Variants in TNNI3K observed in about 807,000 individuals in gnomAD.
TNNI3K encodes TNNI3 interacting kinase.
In TNNI3K, 140 loss-of-function variants were observed where a neutral mutation model predicts 114.5. The observed-to-expected ratio is 1.22, with a 90% CI of 1.07 to 1.41. The LOEUF is 1.41. Ranked by LOEUF, TNNI3K falls within the 40% of genes most tolerant of loss-of-function variation. TNNI3K has a pLI of 0.00. For synonymous variants in TNNI3K, 347 were observed against 347.5 expected (o/e 1.00, Z 0.02); for missense variants, 1,125 against 1,007.6 (o/e 1.12, Z -1.58).
intron 24 of TNNI3K, among the ~76,000 whole-genome samples, chr1:74,543,062 CCCTTTTTTTTTTT>C (rs1404631239): frequency 1.5e-4 from 16 of 104,612 alleles, no homozygotes; most frequent in African/African-American, 5.3e-4. Context: ...TTTTCTTTTT[CCCTTTTTTTTTTT>C]TTTTTTTTTT....
chr1:74,534,872 T>C (rs1447238858), intron 23 of TNNI3K, among the ~76,000 whole-genome samples: 1 of 152,178 alleles, frequency 6.6e-6, no homozygotes, highest in African/African-American at 2.4e-5. Flanking sequence ...TAAATGGAAA[T>C]GTAGTTCCTC....
chr1:74,394,686 C>T (rs1312632607), intron 17 of TNNI3K, among the ~76,000 whole-genome samples: 2 of 152,332 alleles, frequency 1.3e-5, no homozygotes, highest in Non-Finnish European at 2.9e-5. Context: ...ACTTGAAAAG[C>T]CTCTGAGCTA....
chr1:74,520,771 G>A (rs1201326979), intron 23 of TNNI3K, among the ~76,000 whole-genome samples: 1 of 152,130 alleles, frequency 6.6e-6, no homozygotes, highest in African/African-American at 2.4e-5. Flanking sequence ...AAAGAAAACA[G>A]TCCCCTTTGA....
At chr1:74,482,405 T>G (rs1390358037) in intron 21 of TNNI3K, among the ~76,000 whole-genome samples, 1 of 152,200 alleles carries the variant, frequency 6.6e-6, no homozygotes, top group Non-Finnish European at 1.5e-5. Flanking sequence ...GAAAAATAAA[T>G]GTAGTGAAGT....
rs1018991308 is a variant in TNNI3K at position 74,543,957 on chromosome 1, G to T, written c.2483G>T (p.Ser828Ile). The T allele has an allele frequency of 6.2e-7, 1 of 1,613,268 alleles. No individual in the cohort carries two copies. The highest frequency in any genetic ancestry group is 8.5e-7 in the Non-Finnish European group (1 of 1,179,706). ...ATGCATTTTCATTCTTGCCGAAATAGTAGCAGCTTTGAGGACAGCAGCTGA... is the reference window on the plus strand; with the variant it reads ...ATGCATTTTCATTCTTGCCGAAATATTAGCAGCTTTGAGGACAGCAGCTGA... ...SSMHFHSCRN[S>I]SSFEDSS Residue 828 changes from serine (S) to isoleucine (I), a missense_variant, in exon 25 of 25, where the codon AGT becomes ATT. Ser to Ile is a moderately radical substitution (Grantham distance 142). Transcript: ENST00000326637.
intron 6 of TNNI3K, among the ~76,000 whole-genome samples, chr1:74,334,947 A>G (rs568952435): frequency 6.6e-6 from 1 of 152,352 alleles, no homozygotes; most frequent in African/African-American, 2.4e-5. Context: ...AAATGACAAA[A>G]GTAGGTTTTC....
At chr1:74,343,369 A>G (rs1014932856) in intron 9 of TNNI3K, among the ~76,000 whole-genome samples, 190 bp downstream of exon 9, 3 of 152,212 alleles carry the variant, frequency 2.0e-5, no homozygotes, top group African/African-American at 7.2e-5. Flanking sequence ...TGCTGCAGTC[A>G]GTACAACAGA....
rs148554544 is a variant in TNNI3K at position 74,489,115 on chromosome 1, C to T, written c.2122-74C>T. On this transcript the variant is annotated intron_variant, in intron 21 of 24. Coordinates refer to ENST00000326637, the MANE Select transcript of TNNI3K (RefSeq NM_015978.3). Reference sequence around the variant, plus strand: ...ATCTCATTCTTTACAAATGCTAATACCCAATTTTAACATCCAAAGAGAGTC... The same window carrying T: ...ATCTCATTCTTTACAAATGCTAATATCCAATTTTAACATCCAAAGAGAGTC... The T allele has an allele frequency of 1.3e-5, 17 of 1,264,218 alleles. No individual in the cohort carries two copies. In the East Asian group the frequency reaches 3.8e-4, roughly 28 times the overall value. 78.3% of individuals were successfully genotyped at this position (1,264,218 alleles called of 1,614,324 possible).
intron 20 of TNNI3K, among the ~76,000 whole-genome samples, chr1:74,451,030 A>C (rs1005639037): frequency 2.6e-5 from 4 of 152,260 alleles, no homozygotes; most frequent in Non-Finnish European, 5.9e-5. Context: ...TTGGATAAGG[A>C]AAATGTGGTA....
At chr1:74,463,780 GAGACC>G (rs1479015031) in intron 21 of TNNI3K, among the ~76,000 whole-genome samples, 61 of 152,208 alleles carry the variant, frequency 4.0e-4, no homozygotes, top group African/African-American at 1.4e-3. Flanking sequence ...TAGTAAAAGA[GAGACC>G]AGGGTATGAC....
chr1:74,250,761 G>T lies in TNNI3K; in HGVS notation c.325G>T (p.Val109Phe). Residue 109 changes from valine (V) to phenylalanine (F), a missense_variant, in exon 4 of 25, where the codon GTT becomes TTT. By Grantham distance (50) the Val-to-Phe change is conservative. Transcript: ENST00000326637. The stretch of plus-strand genomic sequence containing the variant: ...TGGATTTACAGCCTTGCATTTAGCA[G>T]TTTACAAGGTAGGACACTTTAATTC... ...RNGFTALHLA[V>F]YKDNAELITS... The T allele has an allele frequency of 6.3e-7, 1 of 1,586,688 alleles. No homozygotes were observed. The highest frequency in any genetic ancestry group is 8.6e-7 in the Non-Finnish European group (1 of 1,163,434).
At chr1:74,498,004 G>GTTTTT (rs1570703169) in intron 23 of TNNI3K, among the ~76,000 whole-genome samples, 4 of 152,108 alleles carry the variant, frequency 2.6e-5, no homozygotes, top group Non-Finnish European at 5.9e-5. Context: ...TTGTTTGTTT[G>GTTTTT]TTTTTGTATT....
intron 9 of TNNI3K, among the ~76,000 whole-genome samples, chr1:74,348,012 T>C (rs1033964830): frequency 1.3e-5 from 2 of 152,234 alleles, no homozygotes; most frequent in African/African-American, 4.8e-5. Flanking sequence ...TTAGATCCCA[T>C]TTGTCAATTT....
intron 5 of TNNI3K, among the ~76,000 whole-genome samples, chr1:74,330,259 A>G (rs1016716160): frequency 2.6e-5 from 4 of 152,012 alleles, no homozygotes; most frequent in African/African-American, 4.8e-5. Context: ...CTCTCCCTCT[A>G]TTTGCCTAAA....
At chr1:74,481,612 A>G (rs1668509042) in intron 21 of TNNI3K, among the ~76,000 whole-genome samples, 1 of 152,200 alleles carries the variant, frequency 6.6e-6, no homozygotes, top group Non-Finnish European at 1.5e-5. Context: ...CCTCCTGTCT[A>G]ATATCTGTTC....
Position 74,406,447 on chromosome 1 carries a change from GC to G in TNNI3K, c.1773-29632del, listed in dbSNP as rs1664618026. ...ATTGGGCACCCCTGCTCTAGAGGTT[GC>G]AATCCTTGCATGTGGGCCCCTGCAT... On this transcript the variant is annotated intron_variant, in intron 17 of 24. Coordinates refer to ENST00000326637, the MANE Select transcript of TNNI3K (RefSeq NM_015978.3). 3.3e-5 allele frequency among the ~76,000 whole-genome samples: 5 copies of G among 152,270 alleles called. No individual in the cohort carries two copies. In the South Asian group the frequency reaches 1.0e-3, roughly 32 times the overall value.
At chr1:74,445,620 C>CT (rs1487870344) in intron 20 of TNNI3K, among the ~76,000 whole-genome samples, 3 of 137,932 alleles carry the variant, frequency 2.2e-5, no homozygotes, top group African/African-American at 8.7e-5. Context: ...TTCTTTTTTT[C>CT]TTTTTTTTGA....
chr1:74,492,393 T>G lies in TNNI3K; in HGVS notation c.2351+127T>G, dbSNP rs1174506671. The G allele has an allele frequency of 2.4e-6, 3 of 1,235,710 alleles. No homozygotes were observed. In the African/African-American group the frequency reaches 4.6e-5, roughly 19 times the overall value. 76.5% of individuals were successfully genotyped at this position (1,235,710 alleles called of 1,614,324 possible). A position where few individuals can be genotyped will look rare whatever the true frequency, so the allele number is the denominator to read the frequency against. The stretch of plus-strand genomic sequence containing the variant: ...CTGAAAAACTTTGAAAGAGGAGTTT[T>G]CAGCCCATTTTTCTTACGTTATGAC... On this transcript the variant is annotated intron_variant, in intron 23 of 24. Coordinates refer to ENST00000326637, the MANE Select transcript of TNNI3K (RefSeq NM_015978.3).
At chr1:74,464,255 C>T (rs1395908979) in intron 21 of TNNI3K, among the ~76,000 whole-genome samples, 2 of 152,208 alleles carry the variant, frequency 1.3e-5, no homozygotes, top group African/African-American at 4.8e-5. Flanking sequence ...GATTGCACAA[C>T]TTCTTTCCTA....
Sources: allele counts gnomAD v4.1 joint callset (sites outside exome capture counted in the v4.1 genomes callset), GRCh38; gene constraint gnomAD v4.1.1; transcripts MANE v1.5; gene names NCBI Gene and HGNC (gene_info 2026-07-23, HGNC 2026-07-21).